The following RNF32 variants were observed in gnomAD, a reference collection of about 807,000 sequenced individuals.
RNF32 encodes the protein ring finger protein 32.
RNF32 carries 36 observed loss-of-function variants against 41.0 expected under a neutral mutation model. The observed-to-expected ratio is 0.88, with a 90% CI of 0.67 to 1.16. RNF32 has a LOEUF of 1.16. RNF32 is among the 50% of genes most tolerant of loss of function. The pLI is 0.00. For synonymous variants in RNF32, 154 were observed against 160.9 expected (o/e 0.96, Z 0.32); for missense variants, 413 against 436.7 (o/e 0.95, Z 0.48).
At chr7:156,651,370 C>T (rs989980177) in intron 3 of RNF32, among the ~76,000 whole-genome samples, 4 of 151,866 alleles carry the variant, frequency 2.6e-5, no homozygotes, top group African/African-American at 4.8e-5. Flanking sequence ...TGTGCCACCA[C>T]ACCTGGCTAA....
intron 7 of RNF32, among the ~76,000 whole-genome samples, chr7:156,660,690 T>C (rs952885027): frequency 1.2e-4 from 18 of 152,176 alleles, no homozygotes; most frequent in African/African-American, 4.3e-4. Flanking sequence ...AGAAATATCT[T>C]CTAAGCAATG....
At chr7:156,643,018 CA>C (rs1484413281) in intron 1 of RNF32, 2 of 152,180 alleles carry the variant, frequency 1.3e-5, no homozygotes, top group African/African-American at 2.4e-5. Flanking sequence ...ACACCATGTC[CA>C]AAATCTAAAA....
intron 7 of RNF32, chr7:156,659,616 C>A (rs1800297551): frequency 2.2e-6 from 2 of 919,560 alleles, no homozygotes; most frequent in Non-Finnish European, 2.6e-6. Flanking sequence ...AGTCATTTTA[C>A]CTTATATATA....
intron 3 of RNF32, among the ~76,000 whole-genome samples, chr7:156,648,125 G>A (rs1798227199): frequency 6.6e-6 from 1 of 150,506 alleles, no homozygotes; most frequent in Admixed American, 6.6e-5. Flanking sequence ...ACAACCTTTT[G>A]TAAATCTGAA....
upstream of RNF32, chr7:156,640,610 G>T (rs567073730): frequency 3.2e-5 from 13 of 403,778 alleles, no homozygotes; most frequent in East Asian, 1.3e-3. Context: ...ACAGGGCGTG[G>T]TTGGCAAGCA....
intron 7 of RNF32, among the ~76,000 whole-genome samples, chr7:156,674,887 CT>C (rs1803464289): frequency 6.6e-6 from 1 of 152,208 alleles, no homozygotes; most frequent in African/African-American, 2.4e-5. Context: ...GAAATTCGAA[CT>C]TTTCTCTCAA....
At chr7:156,644,467 C>A (rs759590711) in intron 2 of RNF32, 32 bp from the exon 3 acceptor site, 26 of 1,538,922 alleles carry the variant, frequency 1.7e-5, no homozygotes, top group Non-Finnish European at 2.7e-6. Flanking sequence ...ACATAATACT[C>A]CTCTAAATAT....
In RNF32 at chr7:156,646,386, C is replaced by G. The variant is rs955091384; in HGVS notation, c.274+1629C>G. ...GCTTGTGGCAGCGTCACTCCAATCTCTGCCTCTGACTTCACAAAACCTTCT... is the reference window on the plus strand; with the variant it reads ...GCTTGTGGCAGCGTCACTCCAATCTGTGCCTCTGACTTCACAAAACCTTCT... On this transcript the variant is annotated intron_variant, in intron 3 of 8. Transcript: ENST00000317955. 2.5e-5 allele frequency: 32 copies of G among 1,298,434 alleles called. No individual in the cohort carries two copies. In the African/African-American group the frequency reaches 4.4e-4, roughly 18 times the overall value. The allele number at this position is 1,298,434 out of a possible 1,614,324, so 80.4% of individuals were successfully genotyped here.
intron 3 of RNF32, among the ~76,000 whole-genome samples, chr7:156,653,083 C>G (rs996462907): frequency 2.3e-5 from 3 of 131,014 alleles, no homozygotes; most frequent in African/African-American, 9.5e-5. Flanking sequence ...GGCCTTCACA[C>G]TCACTCAGCA....
intron 7 of RNF32, chr7:156,659,539 T>G: frequency 1.0e-6 from 1 of 984,708 alleles, no homozygotes; most frequent in Non-Finnish European, 1.2e-6. Flanking sequence ...TATGTCATAG[T>G]AGGTTGTCTC....
intron 3 of RNF32, among the ~76,000 whole-genome samples, chr7:156,652,267 G>T (rs544540159): frequency 2.0e-5 from 3 of 151,728 alleles, no homozygotes; most frequent in Admixed American, 2.0e-4. Flanking sequence ...CTGTTTTTTT[G>T]AGTCTGCTTT....
chr7:156,673,906 T>TAAAAA (rs3030984), intron 7 of RNF32, among the ~76,000 whole-genome samples: 2,123 of 100,768 alleles, frequency 0.021, 41 homozygotes, highest in African/African-American at 0.079. Context: ...TCCACATTAA[T>TAAAAA]AAAAAAAAAA....
Position 156,654,712 on chromosome 7 carries a change from T to C in RNF32, c.411T>C (p.Arg137=), listed in dbSNP as rs761387319. 6 of 1,613,904 alleles carry C rather than the reference T, an allele frequency of 3.7e-6. No homozygotes were observed. Among genetic ancestry groups the C allele is most frequent in the East Asian group, 4.5e-5 (2 of 44,882 alleles). The part of the protein sequence containing the change: ...CPICKEEFEL[R]PQVLLSCSHV... ...TCTGTAAAGAAGAATTCGAGCTTCG[T>C]CCTCAGGTGTTTAGCATACGAGGGT... is the stretch of plus-strand genomic sequence containing the variant. The change falls in exon 4 of 9, where the codon CGT becomes CGC. Residue 137 remains arginine, a synonymous_variant. Transcript: ENST00000317955.
intron 1 of RNF32, among the ~76,000 whole-genome samples, chr7:156,642,273 C>T (rs1053736650): frequency 2.6e-5 from 4 of 152,140 alleles, no homozygotes; most frequent in Non-Finnish European, 5.9e-5. Context: ...CATTCCTGGT[C>T]ACAAAAACAT....
At chr7:156,666,960 G>C (rs978974145) in intron 7 of RNF32, among the ~76,000 whole-genome samples, 2 of 152,214 alleles carry the variant, frequency 1.3e-5, no homozygotes, top group Non-Finnish European at 2.9e-5. Context: ...TGATTTGTCA[G>C]ATGCTGGGGC....
intron 3 of RNF32, among the ~76,000 whole-genome samples, chr7:156,652,241 G>C (rs1489719762): frequency 6.6e-6 from 1 of 152,050 alleles, no homozygotes; most frequent in African/African-American, 2.4e-5. Context: ...TCTGATTCCT[G>C]ATCCTTTTTT....
Position 156,642,719 on chromosome 7 carries a change from ACACT to A in RNF32, c.-77-1075_-77-1072del, listed in dbSNP as rs572668590. ...CGGCATCCCATGGCAGGGCACACTC[ACACT>A]CACTCAGACGGGGACGCCCCAGTGA... On this transcript the variant is annotated intron_variant, in intron 1 of 8. Coordinates refer to ENST00000317955, the MANE Select transcript of RNF32 (RefSeq NM_030936.4). 1.1e-4 allele frequency among the ~76,000 whole-genome samples: 16 copies of A among 152,324 alleles called. No individual in the cohort carries two copies. In the South Asian group the frequency reaches 3.1e-3, roughly 30 times the overall value.
At position 156,676,870 on chromosome 7, in the gene RNF32, G is replaced by T; in HGVS notation, c.*215G>T. 1.9e-6 allele frequency: 1 copy of T among 538,606 alleles called. No individual in the cohort carries two copies. Among genetic ancestry groups the T allele is most frequent in the Non-Finnish European group, 3.3e-6 (1 of 301,892 alleles). 33.4% of individuals were successfully genotyped at this position (538,606 alleles called of 1,614,324 possible). A position where few individuals can be genotyped will look rare whatever the true frequency, so the allele number is the denominator to read the frequency against. On this transcript the variant is annotated 3_prime_UTR_variant, in exon 9 of 9. Transcript: ENST00000317955. ...TAAAAAGTAAATTTCAAATTTATGA[G>T]TTTAATCACTTCAAATATGAATAGC...
chr7:156,672,421 T>C (rs888411956), intron 7 of RNF32, among the ~76,000 whole-genome samples: 1 of 152,130 alleles, frequency 6.6e-6, no homozygotes, highest in Non-Finnish European at 1.5e-5. Flanking sequence ...AAGGAGGCAA[T>C]AGGTGACATC....
Sources: allele counts gnomAD v4.1 joint callset (sites outside exome capture counted in the v4.1 genomes callset), GRCh38; gene constraint gnomAD v4.1.1; transcripts MANE v1.5; gene names NCBI Gene and HGNC (gene_info 2026-07-23, HGNC 2026-07-21).